COG5: variants seen among roughly 807,000 people sequenced by gnomAD.
COG5 encodes component of oligomeric golgi complex 5.
In COG5, 86 loss-of-function variants were observed where a neutral mutation model predicts 110.4. The ratio of observed to expected loss-of-function variants is 0.78; its 90% confidence interval spans 0.65 to 0.93. COG5 has a LOEUF of 0.93. Ranked by LOEUF, COG5 falls within the 40% of genes least tolerant of loss-of-function variation. COG5 has a pLI of 0.00. For synonymous variants in COG5, 360 were observed against 334.6 expected (o/e 1.08, Z -0.83); for missense variants, 1,077 against 987.0 (o/e 1.09, Z -1.22).
intron 21 of COG5, chr7:107,207,882 G>C (rs1584521202): frequency 1.0e-6 from 1 of 985,356 alleles, no homozygotes; most frequent in East Asian, 1.1e-4. Context: ...AGCAGCAGTA[G>C]TTACACTATC....
chr7:107,246,318 A>T (rs1011327714), intron 17 of COG5, among the ~76,000 whole-genome samples: 2 of 152,232 alleles, frequency 1.3e-5, no homozygotes, highest in Non-Finnish European at 2.9e-5. Context: ...AGATTTCATG[A>T]CAAAGACATC....
At position 107,213,542 on chromosome 7, in the gene COG5, C is replaced by G. The variant is rs545724347; in HGVS notation, c.2169-2317G>C. Among the ~76,000 whole-genome samples, 8 of 152,332 alleles carry G rather than the reference C, an allele frequency of 5.3e-5. No homozygotes were observed. In the East Asian group the frequency reaches 1.5e-3, roughly 29 times the overall value. ...CAACAGGGAAATACACTTTGTGACGCTGCCAGATATTAGAAGCAATCACAG... is the reference window on the plus strand; with the variant it reads ...CAACAGGGAAATACACTTTGTGACGGTGCCAGATATTAGAAGCAATCACAG... On this transcript the variant is annotated intron_variant, in intron 19 of 21. Transcript: ENST00000297135.
intron 19 of COG5, among the ~76,000 whole-genome samples, chr7:107,229,942 C>T (rs1453848556): frequency 2.6e-5 from 4 of 151,162 alleles, no homozygotes. Context: ...CCTCTGACTC[C>T]CTGGTTCAAG....
chr7:107,342,973 C>A (rs2214679), intron 10 of COG5, among the ~76,000 whole-genome samples: 1 of 151,964 alleles, frequency 6.6e-6, no homozygotes, highest in Non-Finnish European at 1.5e-5. Flanking sequence ...AACCTAGGTG[C>A]CCATCAATAG....
At chr7:107,288,957 T>C (rs1805922190) in intron 12 of COG5, among the ~76,000 whole-genome samples, 1 of 121,370 alleles carries the variant, frequency 8.2e-6, no homozygotes, top group African/African-American at 3.2e-5. Context: ...TATATATATA[T>C]ATATATTTAA....
At chr7:107,397,843 A>G (rs1041363847) in intron 7 of COG5, among the ~76,000 whole-genome samples, 1 of 152,296 alleles carries the variant, frequency 6.6e-6, no homozygotes, top group African/African-American at 2.4e-5. Context: ...TATTAAAACC[A>G]TTATGGGAAA....
At chr7:107,357,428 T>C (rs922155980) in intron 10 of COG5, among the ~76,000 whole-genome samples, 1 of 152,162 alleles carries the variant, frequency 6.6e-6, no homozygotes, top group South Asian at 2.1e-4. Context: ...CTTAAAAAAA[T>C]TTCAACTAAA....
At chr7:107,511,314 C>T (rs190757081) in intron 6 of COG5, among the ~76,000 whole-genome samples, 2 of 152,114 alleles carry the variant, frequency 1.3e-5, no homozygotes, top group South Asian at 4.1e-4. Context: ...ATAAATTCCT[C>T]GACACATACA....
intron 5 of COG5, among the ~76,000 whole-genome samples, chr7:107,546,869 A>T (rs1802494458): frequency 1.3e-5 from 2 of 152,198 alleles, no homozygotes; most frequent in South Asian, 4.1e-4. Context: ...GAGTACAGAG[A>T]TTAAATCAGT....
chr7:107,504,245 AT>A (rs1798822807), intron 6 of COG5, among the ~76,000 whole-genome samples: 2 of 152,292 alleles, frequency 1.3e-5, no homozygotes, highest in African/African-American at 4.8e-5. Flanking sequence ...TTCTGCATCT[AT>A]TGAGATGATC....
intron 6 of COG5, among the ~76,000 whole-genome samples, chr7:107,458,475 T>C (rs2129099052): frequency 6.6e-6 from 1 of 152,314 alleles, no homozygotes; most frequent in Admixed American, 6.5e-5. Flanking sequence ...ACATTATACA[T>C]GATGTGCTAT....
At chr7:107,487,365 C>T (rs1420863040) in intron 6 of COG5, among the ~76,000 whole-genome samples, 1 of 151,906 alleles carries the variant, frequency 6.6e-6, no homozygotes, top group Non-Finnish European at 1.5e-5. Context: ...GCTTGGCAAA[C>T]AATTTTTAAT....
chr7:107,391,167 C>T lies in COG5; in HGVS notation c.670-18407G>A, dbSNP rs966826771. On this transcript the variant is annotated intron_variant, in intron 7 of 21. Transcript: ENST00000297135. Reference sequence around the variant, plus strand: ...TTTACTTGAAACTTTTGTCATTTAACGTGTGCTGAATAAATGCCCGGAAGG... The same window carrying T: ...TTTACTTGAAACTTTTGTCATTTAATGTGTGCTGAATAAATGCCCGGAAGG... Among the ~76,000 whole-genome samples, 8 of 151,938 alleles carry T rather than the reference C, an allele frequency of 5.3e-5. No individual in the cohort carries two copies. The East Asian group carries it at 9.7e-4, about 18-fold the overall frequency.
chr7:107,407,617 CTTTT>C (rs1212163892), intron 7 of COG5, among the ~76,000 whole-genome samples: 1 of 128,730 alleles, frequency 7.8e-6, no homozygotes, highest in African/African-American at 2.8e-5. Context: ...TAAGCATCTT[CTTTT>C]TTTTTTTTTT....
intron 19 of COG5, among the ~76,000 whole-genome samples, chr7:107,229,825 CTGTTTTTTTTTTGGTTTT>C (rs1471258549): frequency 6.1e-5 from 8 of 132,160 alleles, no homozygotes; most frequent in African/African-American, 8.1e-5. Context: ...CTAGATTCTT[CTGTTTTTTTTTTGGTTTT>C]TGTTTTTTTT....
intron 6 of COG5, chr7:107,475,610 T>TA (rs1196336313): frequency 3.0e-6 from 1 of 338,812 alleles, no homozygotes; most frequent in African/African-American, 2.1e-5. Context: ...CAACAGAAAA[T>TA]ATTCATGTAA....
chr7:107,350,841 A>T (rs1474162543), intron 10 of COG5, among the ~76,000 whole-genome samples: 1 of 152,162 alleles, frequency 6.6e-6, no homozygotes, highest in African/African-American at 2.4e-5. Flanking sequence ...CCCATCACTG[A>T]TGTGGGTATT....
intron 6 of COG5, among the ~76,000 whole-genome samples, chr7:107,444,664 A>T (rs1794903273): frequency 1.3e-5 from 2 of 152,196 alleles, no homozygotes; most frequent in Admixed American, 1.3e-4. Context: ...ACATATCCCA[A>T]ATCATCAAAT....
intron 11 of COG5, among the ~76,000 whole-genome samples, chr7:107,306,468 A>T (rs1050332872): frequency 6.6e-6 from 1 of 152,180 alleles, no homozygotes; most frequent in African/African-American, 2.4e-5. Flanking sequence ...GACCTTTGTA[A>T]AACTCAGAGA....
Sources: gnomAD v4.1 joint callset for allele counts (sites outside exome capture counted in the v4.1 genomes callset) on GRCh38, gnomAD v4.1.1 for gene constraint, MANE v1.5 for transcripts, NCBI Gene and HGNC (gene_info 2026-07-23, HGNC 2026-07-21) for gene names.